Variants in PKD1 observed in about 807,000 individuals in gnomAD.
PKD1 encodes the protein polycystin-1.
A neutral mutation model predicts 361.7 loss-of-function variants in PKD1; 81 were observed. That is an observed-to-expected ratio of 0.22 (90% CI 0.19 to 0.27). PKD1 has a LOEUF of 0.27. Ranked by LOEUF, PKD1 falls within the 10% of genes least tolerant of loss-of-function variation. The pLI, the probability that PKD1 is intolerant of heterozygous loss-of-function variation, is 1.00. For missense variants in PKD1, 6,399 were observed against 6,118.3 expected (o/e 1.05, Z -1.53); for synonymous variants, 3,615 against 2,818.3 (o/e 1.28, Z -8.95).
rs748047105 is a variant in PKD1 at position 2,093,557 on chromosome 16, T to C, written c.11003A>G (p.His3668Arg). The change falls in exon 37 of 46, where the codon CAT (histidine) becomes CGT (arginine). Residue 3668 changes from histidine to arginine, a missense_variant. His to Arg is a conservative substitution (Grantham distance 29). Coordinates refer to ENST00000262304, the MANE Select transcript of PKD1 (RefSeq NM_001009944.3). ...ACCCAGGCTCACCCGCAGCATGCCATGTAGCCTCTTGACCTTGCGGGCTTC... is the reference window on the plus strand; with the variant it reads ...ACCCAGGCTCACCCGCAGCATGCCACGTAGCCTCTTGACCTTGCGGGCTTC... The part of the protein sequence containing the change: ...KEEARKVKRL[H>R]GMLRSLLVYM... 7 of 1,603,324 alleles carry C rather than the reference T, an allele frequency of 4.4e-6. No homozygotes were observed. Among genetic ancestry groups the C allele is most frequent in the African/African-American group, 1.3e-5 (1 of 74,912 alleles).
At position 2,097,512 on chromosome 16, in the gene PKD1, G is replaced by A. The variant is rs201711280; in HGVS notation, c.10221-9C>T. On this transcript the variant is annotated splice_polypyrimidine_tract_variant and intron_variant, in intron 32 of 45. Coordinates refer to ENST00000262304, the MANE Select transcript of PKD1 (RefSeq NM_001009944.3). The stretch of plus-strand genomic sequence containing the variant: ...AGGGCCAGCACACCAGACTGCAGGT[G>A]GCGCGGGTCAGCAAGGTACCAGGGG... 20 of 1,601,526 alleles carry A rather than the reference G, an allele frequency of 1.2e-5. No homozygotes were observed. In the East Asian group the frequency reaches 4.2e-4, roughly 34 times the overall value.
In PKD1 at chr16:2,100,086, G is replaced by C; in HGVS notation, c.9713-15C>G. The C allele has an allele frequency of 6.2e-7, 1 of 1,603,376 alleles. No homozygotes were observed. The highest frequency in any genetic ancestry group is 1.3e-5 in the African/African-American group (1 of 74,786). ...GGCTGCGTCGCCTAGAAGGCAGGGA[G>C]GGCCGCACTGCAGGAGGCCACGGGG... On this transcript the variant is annotated splice_polypyrimidine_tract_variant and intron_variant, in intron 28 of 45. Transcript: ENST00000262304. The surrounding 1 kb of genome is among the most constrained non-coding windows in gnomAD (Gnocchi z 4.4).
Position 2,114,444 on chromosome 16 carries a change from C to A in PKD1, c.2579G>T (p.Arg860Leu). The change falls in exon 11 of 46, where the codon CGC (arginine) becomes CTC (leucine). Residue 860 changes from arginine (R) to leucine (L), a missense_variant. Coordinates refer to ENST00000262304, the MANE Select transcript of PKD1 (RefSeq NM_001009944.3). ...DSGANATATA[R>L]WPGGSVSARF... ...GGCGCTGACACTGCCCCCAGGCCAG[C>A]GAGCCGTGGCCGTGGCGTTGGCACC... The A allele has an allele frequency of 1.3e-6, 2 of 1,598,084 alleles. No individual in the cohort carries two copies. Among genetic ancestry groups the A allele is most frequent in the Non-Finnish European group, 1.7e-6 (2 of 1,179,156 alleles).
rs552553709 is a variant in PKD1, at chr16:2,107,082, T to C, written c.7066-134A>G. The C allele has an allele frequency of 9.4e-5, 75 of 800,644 alleles. 1 individual carries two copies. The East Asian group carries it at 1.8e-3, about 19-fold the overall frequency. The allele number at this position is 800,644 out of a possible 1,614,324, so 49.6% of individuals were successfully genotyped here. A position where few individuals can be genotyped will look rare whatever the true frequency, so the allele number is the denominator to read the frequency against. ...GGCCACTGCCGGTGAGCTCACTCCC[T>C]CCCAGGATACTCATCCGGTTTGCCA... On this transcript the variant is annotated intron_variant, in intron 16 of 45. Coordinates refer to ENST00000262304, the MANE Select transcript of PKD1 (RefSeq NM_001009944.3).
chr16:2,109,913 A>C lies in PKD1; in HGVS notation c.5254T>G (p.Trp1752Gly). 6.2e-7 allele frequency: 1 copy of C among 1,610,498 alleles called. No individual in the cohort carries two copies. Among genetic ancestry groups the C allele is most frequent in the Non-Finnish European group, 8.5e-7 (1 of 1,179,712 alleles). The stretch of plus-strand genomic sequence containing the variant: ...CAGCTCAGCCCCTCCTCCAAGGACC[A>C]AGTGTATACGACACCACTGCCACCA... ...LAGGSGVVYTWSLEEGLSWET... is the reference protein window; with the variant it reads ...LAGGSGVVYTGSLEEGLSWET... The change falls in exon 15 of 46, where the codon TGG becomes GGG. Residue 1752 changes from tryptophan to glycine, a missense_variant. Trp to Gly is a radical substitution (Grantham distance 184). Transcript: ENST00000262304.
chr16:2,091,703 G>C lies in PKD1; in HGVS notation c.11537+78C>G, dbSNP rs950357849. ...GGCTGTGGAAGCCGCCTAGGCCAGCGGGGGCCGGAGGAGTGAGGGTGGGCT... is the reference window on the plus strand; with the variant it reads ...GGCTGTGGAAGCCGCCTAGGCCAGCCGGGGCCGGAGGAGTGAGGGTGGGCT... On this transcript the variant is annotated intron_variant, in intron 41 of 45. Transcript: ENST00000262304. The C allele has an allele frequency of 7.6e-6, 12 of 1,579,854 alleles. No homozygotes were observed. In the African/African-American group the frequency reaches 1.5e-4, roughly 19 times the overall value.
rs771638566 is a variant in PKD1, at chr16:2,108,578, G to C, written c.6589C>G (p.Arg2197Gly). The change falls in exon 15 of 46, where the codon CGG (arginine) becomes GGG (glycine). Residue 2197 changes from arginine to glycine, a missense_variant. Transcript: ENST00000262304. ...GCCACACGCGCTGGGCGCCCCGGCC[G>C]CTGGCAGCTGGCGGTGCGATACACC... ...WEVYRTASCQ[R>G]PGRPARVALP... The C allele has an allele frequency of 1.3e-6, 2 of 1,559,354 alleles. No individual in the cohort carries two copies. Among genetic ancestry groups the C allele is most frequent in the African/African-American group, 1.4e-5 (1 of 73,946 alleles).
chr16:2,114,251 C>T lies in PKD1; in HGVS notation c.2772G>A (p.Leu924=). ...AGATGGGCTCCTCCGCCGTCACCCG[C>T]AGGCTGAGGTTGGCCCGGCTGGCGC... The part of the protein sequence containing the change: ...ENSASRANLS[L]RVTAEEPICG... Residue 924 remains leucine (L), a synonymous_variant, in exon 11 of 46, where the codon CTG becomes CTA. Transcript: ENST00000262304. 1 of 1,610,226 alleles carries T rather than the reference C, an allele frequency of 6.2e-7. No individual in the cohort carries two copies. Among genetic ancestry groups the T allele is most frequent in the Non-Finnish European group, 8.5e-7 (1 of 1,179,496 alleles).
chr16:2,133,373 A>G (rs900196438), intron 1 of PKD1, among the ~76,000 whole-genome samples: 31 of 148,748 alleles, frequency 2.1e-4, no homozygotes, highest in African/African-American at 7.9e-4. Flanking sequence ...TTCAGCAGCC[A>G]GGGAGCCACA....
At chr16:2,120,761 G>C (rs866445617) in intron 1 of PKD1, among the ~76,000 whole-genome samples, 32 of 152,346 alleles carry the variant, frequency 2.1e-4, no homozygotes, top group African/African-American at 7.5e-4. Flanking sequence ...GCTCACTCCT[G>C]TAATGCCAGA....
chr16:2,102,938 G>A lies in PKD1; in HGVS notation c.8824C>T (p.Leu2942=), dbSNP rs148477457. The change falls in exon 24 of 46, where the codon CTG becomes TTG. Residue 2942 remains leucine, a synonymous_variant. Coordinates refer to ENST00000262304, the MANE Select transcript of PKD1 (RefSeq NM_001009944.3). ...HYLSEEPEPY[L]AVYLHSEPRP... is the part of the protein sequence containing the mutation. ...GGCTCCGAGTGTAGGTAGACTGCCA[G>A]GTAGGGCTCAGGTTCCTCAGACAGG... 100 of 1,607,992 alleles carry A rather than the reference G, an allele frequency of 6.2e-5. No homozygotes were observed. The highest frequency in any genetic ancestry group is 2.0e-4 in the African/African-American group (15 of 74,878).
rs754414091 is a variant in PKD1 at position 2,111,273 on chromosome 16, G to A, written c.3894C>T (p.Arg1298=). ...TGGGGATGCAGGCGGCGGGTTCAACGCGCAGCACCTCCAGGACGAAGACCA... is the reference window on the plus strand; with the variant it reads ...TGGGGATGCAGGCGGCGGGTTCAACACGCAGCACCTCCAGGACGAAGACCA... The part of the protein sequence containing the change: ...HVLVFVLEVL[R]VEPAACIPTQ... Residue 1298 remains arginine, a synonymous_variant, in exon 15 of 46, where the codon CGC becomes CGT. Transcript: ENST00000262304. 2.2e-5 allele frequency: 36 copies of A among 1,609,660 alleles called. No individual in the cohort carries two copies. Among genetic ancestry groups the A allele is most frequent in the Middle Eastern group, 1.9e-4 (1 of 5,356 alleles).
rs1362620551 is a variant in PKD1 at position 2,108,400 on chromosome 16, A to G, written c.6767T>C (p.Leu2256Pro). The G allele has an allele frequency of 6.2e-7, 1 of 1,610,548 alleles. No individual in the cohort carries two copies. Among genetic ancestry groups the G allele is most frequent in the Admixed American group, 1.7e-5 (1 of 60,012 alleles). Residue 2256 changes from leucine (L) to proline (P), a missense_variant, in exon 15 of 46, where the codon CTG becomes CCG. Leu to Pro is a moderately conservative substitution (Grantham distance 98, BLOSUM62 -3). Transcript: ENST00000262304. The stretch of plus-strand genomic sequence containing the variant: ...TGAGCCACCCTCAATGATGGGCACC[A>G]GGCGCTCGGGGGCCACCGTCACATT... ...QANVTVAPER[L>P]VPIIEGGSYR...
Position 2,099,706 on chromosome 16 carries a change from T to C in PKD1, c.9988A>G (p.Ser3330Gly), listed in dbSNP as rs2092008791. ...AGGTAGACGGGATAGACAACCACGCTGGACACCAGGCCAACAGCGACTGTG... is the reference window on the plus strand; with the variant it reads ...AGGTAGACGGGATAGACAACCACGCCGGACACCAGGCCAACAGCGACTGTG... ...VDTVAVGLVS[S>G]VVVYPVYLAI... is the part of the protein sequence containing the mutation. The change falls in exon 30 of 46, where the codon AGC (serine) becomes GGC (glycine). Residue 3330 changes from serine (S) to glycine (G), a missense_variant. Transcript: ENST00000262304. 4 of 1,589,760 alleles carry C rather than the reference T, an allele frequency of 2.5e-6. No homozygotes were observed. The highest frequency in any genetic ancestry group is 2.3e-4 in the Middle Eastern group (1 of 4,412).
At position 2,114,866 on chromosome 16, in the gene PKD1, G is replaced by A. The variant is rs545699501; in HGVS notation, c.2157C>T (p.His719=). 3.9e-5 allele frequency: 59 copies of A among 1,512,420 alleles called. No individual in the cohort carries two copies. The East Asian group carries it at 7.8e-4, about 20-fold the overall frequency. 93.7% of individuals were successfully genotyped at this position (1,512,420 alleles called of 1,614,324 possible). A position where few individuals can be genotyped will look rare whatever the true frequency, so the allele number is the denominator to read the frequency against. The change falls in exon 11 of 46, where the codon CAC becomes CAT. Residue 719 remains histidine, a synonymous_variant. Transcript: ENST00000262304. ...MLPGDLVGLQ[H]DAGPGALLHC... ...GCAGGAGGGCGCCAGGGCCAGCGTCGTGCTGCAAGCCAACGAGGTCACCAG... is the reference window on the plus strand; with the variant it reads ...GCAGGAGGGCGCCAGGGCCAGCGTCATGCTGCAAGCCAACGAGGTCACCAG...
Position 2,102,688 on chromosome 16 carries a change from G to A in PKD1, c.8949-55C>T, listed in dbSNP as rs556634855. On this transcript the variant is annotated intron_variant, in intron 24 of 45. Coordinates refer to ENST00000262304, the MANE Select transcript of PKD1 (RefSeq NM_001009944.3). ...CCCAGGCTCCGCCAGGTTGGATGTC[G>A]CAGTCTCAGAGCCCATACCCGGTCC... The A allele has an allele frequency of 6.4e-4, 1,029 of 1,609,372 alleles. 10 individuals carry two copies. The African/African-American group carries it at 0.012, about 18-fold the overall frequency.
chr16:2,113,681 G>A (rs2151810685), intron 11 of PKD1: 1 of 383,298 alleles, frequency 2.6e-6, no homozygotes, highest in South Asian at 2.5e-5. Context: ...CCCAGGACAG[G>A]CTGCACAGGT....
rs989780485 is a variant in PKD1 at position 2,100,969 on chromosome 16, G to C, written c.9398-403C>G. 2.0e-5 allele frequency among the ~76,000 whole-genome samples: 3 copies of C among 152,072 alleles called. No homozygotes were observed. Among genetic ancestry groups the C allele is most frequent in the Non-Finnish European group, 4.4e-5 (3 of 68,020 alleles). ...TGTGTCACCTCCTCTCCCAGTGACAGACCCAGGTGACAGTATTTTTTTTCT... is the reference window on the plus strand; with the variant it reads ...TGTGTCACCTCCTCTCCCAGTGACACACCCAGGTGACAGTATTTTTTTTCT... On this transcript the variant is annotated intron_variant, in intron 26 of 45. Transcript: ENST00000262304. The surrounding 1 kb of genome is among the most constrained non-coding windows in gnomAD (Gnocchi z 4.4).
Position 2,105,886 on chromosome 16 carries a change from G to A in PKD1, c.7842C>T (p.Ala2614=), listed in dbSNP as rs1363290173. Residue 2614 remains alanine (A), a synonymous_variant, in exon 20 of 46, where the codon GCC becomes GCT. Transcript: ENST00000262304. The part of the protein sequence containing the change: ...DPQHVIEYSL[A]LVTVLNEYER... ...TCACCTCGTTCAGCACGGTGACCAG[G>A]GCCAACGAGTACTCGATGACGTGCT... 3.1e-6 allele frequency: 5 copies of A among 1,596,252 alleles called. No individual in the cohort carries two copies. Among genetic ancestry groups the A allele is most frequent in the South Asian group, 1.1e-5 (1 of 90,988 alleles).
Sources: gnomAD v4.1 joint callset for allele counts (sites outside exome capture counted in the v4.1 genomes callset) on GRCh38, gnomAD v4.1.1 for gene constraint, Gnocchi (gnomAD v3.1) non-coding constraint, MANE v1.5 for transcripts, NCBI Gene and HGNC (gene_info 2026-07-23, HGNC 2026-07-21) for gene names.